ATP13A3: variants seen among roughly 807,000 people sequenced by gnomAD.
ATP13A3 encodes the protein polyamine-transporting ATPase 13A3.
In ATP13A3, 59 loss-of-function variants were observed where a neutral mutation model predicts 158.1. The observed-to-expected ratio is 0.37, with a 90% confidence interval of 0.30 to 0.46. The LOEUF (loss-of-function observed/expected upper bound fraction) is 0.46, where lower values mean the gene tolerates loss of function less well. Ranked by LOEUF, ATP13A3 falls within the 20% of genes least tolerant of loss-of-function variation. The pLI, the probability that ATP13A3 is intolerant of heterozygous loss-of-function variation, is 1.00. For missense variants in ATP13A3, 1,166 were observed against 1,525.2 expected, an observed-to-expected ratio of 0.76 and a Z score of 3.92; for synonymous variants, 491 against 504.3, an observed-to-expected ratio of 0.97 and a Z score of 0.35.
At chr3:194,410,996 C>T (rs1455387590) in intron 33 of ATP13A3, among the ~76,000 whole-genome samples, 3 of 149,664 alleles carry the variant, frequency 2.0e-5, no homozygotes, top group Admixed American at 6.6e-5. Flanking sequence ...TTTTGCTAAA[C>T]GACTTGAGCC....
chr3:194,454,537 A>C, intron 8 of ATP13A3, 145 bp from the exon 9 acceptor site: 6 of 950,198 alleles, frequency 6.3e-6, no homozygotes, highest in African/African-American at 1.7e-5. Context: ...CTTCCCTAAA[A>C]AGTAGGGCAG....
In ATP13A3 at chr3:194,404,244, T is replaced by C. The variant is rs1162176746; in HGVS notation, c.*1675A>G. 5.6e-6 allele frequency: 2 copies of C among 354,206 alleles called. No individual in the cohort carries two copies. The highest frequency in any genetic ancestry group is 5.5e-6 in the Non-Finnish European group (1 of 181,756). 21.9% of individuals were successfully genotyped at this position (354,206 alleles called of 1,614,324 possible). A position where few individuals can be genotyped will look rare whatever the true frequency, so the allele number is the denominator to read the frequency against. On this transcript the variant is annotated 3_prime_UTR_variant, in exon 34 of 34. Coordinates refer to ENST00000645319, the MANE Select transcript of ATP13A3 (RefSeq NM_001367549.1). ...TATCATCTAATGTGTATTAATAGCA[T>C]ATTATACATTTGATGGAAAACTTCG...
chr3:194,486,646 G>C lies in ATP13A3; in HGVS notation c.-169C>G, dbSNP rs561954891. 0.032 allele frequency: 4,725 copies of C among 148,730 alleles called. 177 individuals are homozygous for C. Among genetic ancestry groups the C allele is most frequent in the African/African-American group, 0.087 (3,580 of 41,006 alleles). The allele number at this position is 148,730 out of a possible 1,614,324, so 9.2% of individuals were successfully genotyped here. Reference sequence around the variant, plus strand: ...CGGACCAGCCCCAGGGACCGCGGGGGACCCGGCCGCCGCTGTCGCCGCCGC... The same window carrying C: ...CGGACCAGCCCCAGGGACCGCGGGGCACCCGGCCGCCGCTGTCGCCGCCGC... On this transcript the variant is annotated 5_prime_UTR_variant, in exon 1 of 34. Coordinates refer to ENST00000645319, the MANE Select transcript of ATP13A3 (RefSeq NM_001367549.1).
At position 194,405,912 on chromosome 3, in the gene ATP13A3, T is replaced by C. The variant is rs1379294464; in HGVS notation, c.*7A>G. The C allele has an allele frequency of 6.2e-7, 1 of 1,613,014 alleles. No homozygotes were observed. Among genetic ancestry groups the C allele is most frequent in the African/African-American group, 1.3e-5 (1 of 75,028 alleles). On this transcript the variant is annotated 3_prime_UTR_variant, in exon 34 of 34. Transcript: ENST00000645319. Reference sequence around the variant, plus strand: ...CTATCAGCAATACCACTGAGACTGATTCACTGCTATGTTATGGTGATGATT... The same window carrying C: ...CTATCAGCAATACCACTGAGACTGACTCACTGCTATGTTATGGTGATGATT...
At position 194,428,882 on chromosome 3, in the gene ATP13A3, G is replaced by C; in HGVS notation, c.2910C>G (p.Phe970Leu). The C allele has an allele frequency of 6.3e-7, 1 of 1,598,822 alleles. No individual in the cohort carries two copies. The highest frequency in any genetic ancestry group is 8.6e-7 in the Non-Finnish European group (1 of 1,168,964). ...LSNLGDFQFL[F>L]IDLAIILVVV... ...CTACCAAAATGATTGCCAGATCAATGAAGAGAAACTGGAAGTCTCCTAGGT... is the reference window on the plus strand; with the variant it reads ...CTACCAAAATGATTGCCAGATCAATCAAGAGAAACTGGAAGTCTCCTAGGT... Residue 970 changes from phenylalanine to leucine, a missense_variant, in exon 28 of 34, where the codon TTC (phenylalanine) becomes TTG (leucine). Physicochemically the swap from Phe to Leu is conservative, Grantham distance 22 (BLOSUM62 0). Coordinates refer to ENST00000645319, the MANE Select transcript of ATP13A3 (RefSeq NM_001367549.1).
At chr3:194,426,815 C>A (rs1716810735) in intron 29 of ATP13A3, among the ~76,000 whole-genome samples, 1 of 152,110 alleles carries the variant, frequency 6.6e-6, no homozygotes, top group South Asian at 2.1e-4. Flanking sequence ...AAAGGCACCA[C>A]CATGCCCGGC....
At chr3:194,454,785 C>T (rs144477205) in intron 8 of ATP13A3, among the ~76,000 whole-genome samples, 3,100 of 149,840 alleles carry the variant, frequency 0.021, 122 homozygotes, top group African/African-American at 0.073. Context: ...GCCGAGATCG[C>T]GCCACTGCAG....
chr3:194,492,460 C>CTT (rs35373585), intron 2 of ATP13A3, among the ~76,000 whole-genome samples: 100 of 141,072 alleles, frequency 7.1e-4, no homozygotes, highest in African/African-American at 2.5e-3. Context: ...CTCCTGTGTA[C>CTT]TTTTTTTTTT....
At position 194,460,782 on chromosome 3, in the gene ATP13A3, A is replaced by G. The variant is rs1157828784; in HGVS notation, c.101T>C (p.Leu34Ser). ...LSRWKLAIVSLGVICSGGFLL... is the reference protein window; with the variant it reads ...LSRWKLAIVSSGVICSGGFLL... ...AAACCCACCAGAGCAAATCACTCCT[A>G]AAGAAACTATGGCAAGCTTCCAGCG... Residue 34 changes from leucine (L) to serine (S), a missense_variant, in exon 4 of 34, where the codon TTA becomes TCA. By Grantham distance (145) the Leu-to-Ser change is moderately radical. This residue lies in a region of ATP13A3 where 65 missense variants were observed against 92.4 expected (regional missense o/e 0.70). Transcript: ENST00000645319. The G allele has an allele frequency of 6.2e-7, 1 of 1,614,168 alleles. No homozygotes were observed. The highest frequency in any genetic ancestry group is 8.5e-7 in the Non-Finnish European group (1 of 1,180,008).
rs779721234 is a variant in ATP13A3 at position 194,427,256 on chromosome 3, T to C, written c.2948-4A>G. On this transcript the variant is annotated splice_region_variant and splice_polypyrimidine_tract_variant and intron_variant, in intron 28 of 33. Coordinates refer to ENST00000645319, the MANE Select transcript of ATP13A3 (RefSeq NM_001367549.1). ...TTCCAGGCAGGATTTAAACTCACTA[T>C]ATTGAAAAGAAAAAGAGGAAAGGTT... 1.3e-5 allele frequency: 21 copies of C among 1,585,284 alleles called. No homozygotes were observed. The highest frequency in any genetic ancestry group is 1.7e-5 in the Non-Finnish European group (20 of 1,172,256).
intron 2 of ATP13A3, among the ~76,000 whole-genome samples, chr3:194,493,488 A>G (rs1247188659): frequency 6.6e-6 from 1 of 151,960 alleles, no homozygotes; most frequent in Non-Finnish European, 1.5e-5. Context: ...CTCTACCAAA[A>G]ATACAAAAAT....
intron 16 of ATP13A3, among the ~76,000 whole-genome samples, chr3:194,439,738 A>C (rs1367812570): frequency 2.6e-5 from 4 of 152,228 alleles, no homozygotes; most frequent in African/African-American, 9.6e-5. Context: ...GGCTATGTGA[A>C]ACCATTTCAC....
intron 28 of ATP13A3, among the ~76,000 whole-genome samples, chr3:194,427,846 AAT>A (rs1370687852): frequency 2.0e-5 from 3 of 152,176 alleles, no homozygotes; most frequent in Non-Finnish European, 4.4e-5. Context: ...TGTTTGAAGC[AAT>A]ATAAACATAG....
rs567335584 is a variant in ATP13A3, at chr3:194,415,804, T to C, written c.3403-1965A>G. Among the ~76,000 whole-genome samples the C allele has an allele frequency of 4.0e-5, 6 of 151,756 alleles. No individual in the cohort carries two copies. In the South Asian group the frequency reaches 1.0e-3, roughly 26 times the overall value. On this transcript the variant is annotated intron_variant, in intron 31 of 33. Transcript: ENST00000645319. ...CCTTACAATACCACATTGTTTCTAA[T>C]AGCAAAACACTGGAACCAACCTAAA... is the stretch of plus-strand genomic sequence containing the variant.
In ATP13A3 at chr3:194,425,506, C is replaced by T. The variant is rs976423574; in HGVS notation, c.3149G>A (p.Gly1050Glu). 1 of 1,612,160 alleles carries T rather than the reference C, an allele frequency of 6.2e-7. No homozygotes were observed. Among genetic ancestry groups the T allele is most frequent in the Admixed American group, 1.7e-5 (1 of 59,700 alleles). ...GTCTACGTGTGAAGAATTCCAAAAC[C>T]CGCTTCCTGTTGTATTACAAGCACT... Reference protein sequence around the residue: ...KSDACNTTGSGFWNSSHVDNE... With the variant: ...KSDACNTTGSEFWNSSHVDNE... Residue 1050 changes from glycine to glutamate, a missense_variant, in exon 30 of 34, where the codon GGG becomes GAG. This residue lies in a region of ATP13A3 where 997 missense variants were observed against 1,341.2 expected (regional missense o/e 0.74). Coordinates refer to ENST00000645319, the MANE Select transcript of ATP13A3 (RefSeq NM_001367549.1).
At chr3:194,416,125 C>T (rs1384230684) in intron 31 of ATP13A3, among the ~76,000 whole-genome samples, 1 of 152,176 alleles carries the variant, frequency 6.6e-6, no homozygotes, top group African/African-American at 2.4e-5. Context: ...TCACATTCTT[C>T]AGGGAGAAAA....
intron 2 of ATP13A3, among the ~76,000 whole-genome samples, chr3:194,471,564 G>A (rs1720309954): frequency 6.6e-6 from 1 of 152,066 alleles, no homozygotes; most frequent in Non-Finnish European, 1.5e-5. Context: ...ATATTGCCCA[G>A]GATGGTCTCA....
At chr3:194,409,062 T>C (rs1364802074) in intron 33 of ATP13A3, among the ~76,000 whole-genome samples, 1 of 152,206 alleles carries the variant, frequency 6.6e-6, no homozygotes, top group African/African-American at 2.4e-5. Context: ...AGTTTGTTTC[T>C]GAAAGGAATG....
At chr3:194,429,821 A>G (rs1226990749) in intron 26 of ATP13A3, 47 bp from the exon 27 acceptor site, 12 of 1,540,660 alleles carry the variant, frequency 7.8e-6, no homozygotes, top group Non-Finnish European at 1.1e-5. Context: ...AGCATTTTAA[A>G]CTCCTTTTCC....
Sources: gnomAD v4.1 joint callset for allele counts (sites outside exome capture counted in the v4.1 genomes callset) on GRCh38, gnomAD v4.1.1 for gene constraint, gnomAD v4.1.1 regional missense constraint, MANE v1.5 for transcripts, NCBI Gene and HGNC (gene_info 2026-07-23, HGNC 2026-07-21) for gene names.